The following SMG6 variants were observed in gnomAD, a reference collection of about 807,000 sequenced individuals.
The protein encoded by SMG6 is SMG6 nonsense mediated mRNA decay factor, also known as telomerase-binding protein EST1A.
Under a neutral mutation model 142.2 loss-of-function variants are expected in SMG6, and 66 were observed. That is an observed-to-expected ratio of 0.46 (90% confidence interval 0.38 to 0.57). The LOEUF is 0.57. Among genes scored for constraint, SMG6 ranks in the 20% least tolerant of loss-of-function variants. The probability of loss-of-function intolerance (pLI) is 0.00; values close to 1 mark genes in which losing one functional copy is unlikely to be tolerated. For synonymous variants in SMG6, 779 were observed against 702.4 expected, an observed-to-expected ratio of 1.11 and a Z score of -1.72; for missense variants, 1,793 against 1,832.0, an observed-to-expected ratio of 0.98 and a Z score of 0.39.
chr17:2,282,212 C>T (rs546235639), intron 8 of SMG6, among the ~76,000 whole-genome samples: 4 of 152,012 alleles, frequency 2.6e-5, no homozygotes, highest in East Asian at 1.9e-4. Flanking sequence ...AAAAAGTCCC[C>T]GCCCAAGAGT....
At chr17:2,180,632 A>C (rs2151672270) in intron 12 of SMG6, among the ~76,000 whole-genome samples, 1 of 152,294 alleles carries the variant, frequency 6.6e-6, no homozygotes, top group Non-Finnish European at 1.5e-5. Flanking sequence ...GAGAGAACCA[A>C]GGAAACTCAA....
intron 15 of SMG6, among the ~76,000 whole-genome samples, chr17:2,078,818 G>A (rs925149713): frequency 3.9e-5 from 6 of 152,124 alleles, no homozygotes; most frequent in African/African-American, 7.2e-5. Flanking sequence ...GTCATTCATC[G>A]ATGCTGAAGG....
chr17:2,150,899 A>AAT (rs1491164882), intron 13 of SMG6, among the ~76,000 whole-genome samples: 1 of 152,082 alleles, frequency 6.6e-6, no homozygotes, highest in African/African-American at 2.4e-5. Context: ...AAAAAAAAAA[A>AAT]ATCCGTAACC....
chr17:2,285,042 A>G (rs2151382609), intron 6 of SMG6, among the ~76,000 whole-genome samples: 1 of 152,346 alleles, frequency 6.6e-6, no homozygotes, highest in South Asian at 2.1e-4. Context: ...TTTAATTTGC[A>G]GCATTTTTCT....
intron 8 of SMG6, among the ~76,000 whole-genome samples, chr17:2,258,270 C>A (rs997873099): frequency 6.6e-6 from 1 of 151,906 alleles, no homozygotes; most frequent in Non-Finnish European, 1.5e-5. Context: ...AAAAAGGCGA[C>A]CTTGGCTGGG....
chr17:2,110,624 G>A (rs182506595), intron 13 of SMG6, among the ~76,000 whole-genome samples: 3 of 152,246 alleles, frequency 2.0e-5, no homozygotes, highest in Admixed American at 6.5e-5. Flanking sequence ...GAAAGCAGAC[G>A]GAAGAAAGAC....
intron 1 of SMG6, 199 bp downstream of exon 1, chr17:2,303,434 G>T (rs937575825): frequency 3.9e-6 from 5 of 1,293,782 alleles, no homozygotes; most frequent in Non-Finnish European, 4.9e-6. Flanking sequence ...CCCGGAGCTG[G>T]CCAGGACTGG....
intron 12 of SMG6, among the ~76,000 whole-genome samples, chr17:2,181,466 GAA>G (rs1041162123): frequency 6.6e-6 from 1 of 152,260 alleles, no homozygotes; most frequent in Admixed American, 6.5e-5. Flanking sequence ...GAGAGAGAAA[GAA>G]AGAGAGCACA....
intron 13 of SMG6, among the ~76,000 whole-genome samples, chr17:2,115,193 A>G (rs1276303538): frequency 6.6e-6 from 1 of 151,904 alleles, no homozygotes; most frequent in Non-Finnish European, 1.5e-5. Flanking sequence ...AACCTAGTCT[A>G]CTCTAGCAAA....
At chr17:2,232,112 G>A (rs2073513651) in intron 10 of SMG6, among the ~76,000 whole-genome samples, 1 of 151,794 alleles carries the variant, frequency 6.6e-6, no homozygotes, top group African/African-American at 2.4e-5. Context: ...AAAAAAAAAA[G>A]GGCCAGATTG....
rs537040708 is a variant in SMG6, at chr17:2,085,378, C to T, written c.3534+347G>A. On this transcript the variant is annotated intron_variant, in intron 14 of 18. Transcript: ENST00000263073. The surrounding 1 kb of genome is among the most constrained non-coding windows in gnomAD (Gnocchi z 4.1). Reference sequence around the variant, plus strand: ...CTGGAGGCTGGAGTTCAGGCCTGTGCTGCATTGGGCTCCACACATCTATAA... The same window carrying T: ...CTGGAGGCTGGAGTTCAGGCCTGTGTTGCATTGGGCTCCACACATCTATAA... 1.3e-5 allele frequency among the ~76,000 whole-genome samples: 2 copies of T among 152,312 alleles called. No individual in the cohort carries two copies. Among genetic ancestry groups the T allele is most frequent in the South Asian group, 4.1e-4 (2 of 4,832 alleles).
intron 15 of SMG6, among the ~76,000 whole-genome samples, chr17:2,080,938 A>G (rs184851416): frequency 2.1e-4 from 32 of 152,336 alleles, no homozygotes; most frequent in African/African-American, 7.2e-4. Context: ...CCCGGCCAGC[A>G]CTTTCATTTA....
At chr17:2,117,451 T>C (rs2069543332) in intron 13 of SMG6, among the ~76,000 whole-genome samples, 1 of 152,198 alleles carries the variant, frequency 6.6e-6, no homozygotes, top group Non-Finnish European at 1.5e-5. Context: ...TAAAAATGTC[T>C]TTAGGATTGA....
chr17:2,285,678 T>C (rs2074889510), intron 6 of SMG6, among the ~76,000 whole-genome samples: 2 of 152,144 alleles, frequency 1.3e-5, no homozygotes, highest in Non-Finnish European at 2.9e-5. Flanking sequence ...CTTTTCTTTT[T>C]TTTTTTCTTT....
intron 13 of SMG6, among the ~76,000 whole-genome samples, chr17:2,102,094 C>T (rs1341445946): frequency 1.3e-5 from 2 of 152,184 alleles, no homozygotes; most frequent in East Asian, 1.9e-4. Context: ...ACGACAGTGT[C>T]GTGGCCTCCT....
intron 13 of SMG6, among the ~76,000 whole-genome samples, chr17:2,093,748 G>C (rs1017481001): frequency 1.3e-5 from 2 of 152,104 alleles, no homozygotes; most frequent in African/African-American, 4.8e-5. Context: ...GCTTGCAGCA[G>C]GCTCAGTCTC....
intron 10 of SMG6, 49 bp from the exon 11 acceptor site, chr17:2,188,564 A>G: frequency 4.6e-6 from 7 of 1,514,432 alleles, no homozygotes; most frequent in Non-Finnish European, 6.4e-6. Context: ...GACAAGATGC[A>G]CATCACTGGC....
intron 10 of SMG6, among the ~76,000 whole-genome samples, chr17:2,213,418 C>A (rs917504132): frequency 6.6e-6 from 1 of 152,202 alleles, no homozygotes; most frequent in Non-Finnish European, 1.5e-5. Context: ...CCTCTCAGCG[C>A]TAGGCCCTGA....
At chr17:2,151,481 T>A (rs986482843) in intron 13 of SMG6, among the ~76,000 whole-genome samples, 3 of 152,160 alleles carry the variant, frequency 2.0e-5, no homozygotes, top group African/African-American at 7.2e-5. Flanking sequence ...CCAACTGGGA[T>A]CAGAAGTCAG....
Sources: gnomAD v4.1 joint callset for allele counts (sites outside exome capture counted in the v4.1 genomes callset) on GRCh38, gnomAD v4.1.1 for gene constraint, Gnocchi (gnomAD v3.1) non-coding constraint, MANE v1.5 for transcripts, NCBI Gene and HGNC (gene_info 2026-07-23, HGNC 2026-07-21) for gene names.